DNAH9: variants seen among roughly 807,000 people sequenced by gnomAD.
The protein encoded by DNAH9 is dynein axonemal heavy chain 9.
Under a neutral mutation model 471.6 loss-of-function variants are expected in DNAH9, and 345 were observed. The ratio of observed to expected loss-of-function variants is 0.73; its 90% CI spans 0.67 to 0.80. DNAH9 has a LOEUF of 0.80. DNAH9 is among the 30% of genes least tolerant of loss of function. The probability of loss-of-function intolerance (pLI) is 0.00; values close to 1 mark genes in which losing one functional copy is unlikely to be tolerated. For synonymous variants in DNAH9, 2,093 were observed against 2,123.6 expected, an observed-to-expected ratio of 0.99 and a Z score of 0.40; for missense variants, 5,407 against 5,609.2, an observed-to-expected ratio of 0.96 and a Z score of 1.15.
chr17:11,904,345 A>AG (rs1973513628), intron 60 of DNAH9, among the ~76,000 whole-genome samples: 1 of 152,016 alleles, frequency 6.6e-6, no homozygotes. Context: ...AAGAGTGGGG[A>AG]GGGGGCCAGG....
intron 28 of DNAH9, among the ~76,000 whole-genome samples, chr17:11,731,840 A>C (rs1024436246): frequency 6.6e-6 from 1 of 152,144 alleles, no homozygotes; most frequent in Non-Finnish European, 1.5e-5. Flanking sequence ...CGCTATTGTG[A>C]ATAGTGCCGC....
chr17:11,608,444 A>G, intron 2 of DNAH9, 119 bp downstream of exon 2: 2 of 790,824 alleles, frequency 2.5e-6, no homozygotes, highest in South Asian at 3.5e-5. Flanking sequence ...TCTGCACACA[A>G]GCCTACTGTC....
intron 1 of DNAH9, among the ~76,000 whole-genome samples, chr17:11,605,519 G>A (rs1197290772): frequency 6.6e-6 from 1 of 151,720 alleles, no homozygotes; most frequent in African/African-American, 2.4e-5. Context: ...GTTGTTTCGA[G>A]ACAGGGTCTC....
chr17:11,739,956 A>G (rs768199554), intron 29 of DNAH9, among the ~76,000 whole-genome samples: 8 of 152,142 alleles, frequency 5.3e-5, no homozygotes, highest in Non-Finnish European at 8.8e-5. Context: ...GAGGTTGTCA[A>G]CACTTTACTG....
At chr17:11,796,456 T>G (rs146038461) in intron 42 of DNAH9, among the ~76,000 whole-genome samples, 40 of 152,346 alleles carry the variant, frequency 2.6e-4, no homozygotes, top group Admixed American at 4.6e-4. Flanking sequence ...TTTCCAGTCC[T>G]TTCTTCTTAC....
intron 29 of DNAH9, among the ~76,000 whole-genome samples, chr17:11,739,393 G>T (rs186328914): frequency 6.6e-4 from 100 of 152,038 alleles, no homozygotes; most frequent in Non-Finnish European, 1.3e-3. Flanking sequence ...TCAAGTGCAT[G>T]GTTTACAATG....
chr17:11,797,884 A>T (rs1214437241), intron 43 of DNAH9, 91 bp downstream of exon 43: 1 of 1,341,782 alleles, frequency 7.5e-7, no homozygotes, highest in East Asian at 2.4e-5. Context: ...ACTTCCGTAA[A>T]GCCAGGTAAG....
chr17:11,854,148 T>C lies in DNAH9; in HGVS notation c.9653T>C (p.Val3218Ala), dbSNP rs769331794. ...GCTGCTAAGGTCACCATGGCCAAAG[T>C]GGATGGCTTCCTGGACTCGCTAATA... The part of the protein sequence containing the change: ...WKAAKVTMAK[V>A]DGFLDSLINF... The change falls in exon 50 of 69, where the codon GTG becomes GCG. Residue 3218 changes from valine to alanine, a missense_variant. Around this residue, in one of 3 missense-constraint regions of DNAH9, gnomAD observed 4,636 missense variants for 4,900.3 expected, o/e 0.95. Coordinates refer to ENST00000262442, the MANE Select transcript of DNAH9 (RefSeq NM_001372.4). The C allele has an allele frequency of 1.5e-5, 24 of 1,614,122 alleles. No individual in the cohort carries two copies. Among genetic ancestry groups the C allele is most frequent in the Non-Finnish European group, 1.9e-5 (22 of 1,180,016 alleles).
intron 68 of DNAH9, among the ~76,000 whole-genome samples, chr17:11,966,657 G>C (rs138072711): frequency 6.6e-6 from 1 of 152,196 alleles, no homozygotes; most frequent in Non-Finnish European, 1.5e-5. Context: ...TTATAAATCT[G>C]TGTTGATGGA....
intron 53 of DNAH9, among the ~76,000 whole-genome samples, chr17:11,876,633 G>C (rs1972496968): frequency 6.6e-6 from 1 of 152,176 alleles, no homozygotes; most frequent in Non-Finnish European, 1.5e-5. Flanking sequence ...AAGTCGAATG[G>C]TGTTTGCCAG....
Position 11,918,245 on chromosome 17 carries a change from G to GTTT in DNAH9, c.11750-5567_11750-5565dup, listed in dbSNP as rs34516993. 5.0e-3 allele frequency among the ~76,000 whole-genome samples: 494 copies of GTTT among 99,586 alleles called. 1 individual carries two copies. In the East Asian group the frequency reaches 0.056, roughly 11 times the overall value. 65.3% of individuals were successfully genotyped at this position (99,586 alleles called of 152,430 possible). On this transcript the variant is annotated intron_variant, in intron 61 of 68. Transcript: ENST00000262442. ...GTTTTGTTTTGTTTTGTTTTGTTTT[G>GTTT]TTTTGAGACAGGCTCTCACTGTGTT...
intron 35 of DNAH9, among the ~76,000 whole-genome samples, chr17:11,762,277 G>C (rs1205855896): frequency 6.6e-6 from 1 of 152,152 alleles, no homozygotes; most frequent in Admixed American, 6.5e-5. Flanking sequence ...TGCTGTATTT[G>C]TTATGAAAAC....
chr17:11,819,940 TC>T (rs1481372443), intron 45 of DNAH9, among the ~76,000 whole-genome samples: 5 of 152,160 alleles, frequency 3.3e-5, no homozygotes, highest in African/African-American at 1.2e-4. Context: ...TTTTATTTTT[TC>T]TTAATTTTTT....
At position 11,769,216 on chromosome 17, in the gene DNAH9, C is replaced by T. The variant is rs1294468413; in HGVS notation, c.7439C>T (p.Ala2480Val). 1 of 1,614,092 alleles carries T rather than the reference C, an allele frequency of 6.2e-7. No individual in the cohort carries two copies. Among genetic ancestry groups the T allele is most frequent in the Non-Finnish European group, 8.5e-7 (1 of 1,180,060 alleles). The change falls in exon 38 of 69, where the codon GCT (alanine) becomes GTT (valine). Residue 2480 changes from alanine to valine, a missense_variant. Transcript: ENST00000262442. ...CGGCCTGTCATGCTGGTGGGCACGG[C>T]TGGCACTGGCAAGTCGGTGCTGGTG... ...RQRPVMLVGT[A>V]GTGKSVLVGA...
At chr17:11,948,224 CTTTTTTTT>C (rs1211322234) in intron 67 of DNAH9, among the ~76,000 whole-genome samples, 1 of 86,748 alleles carries the variant, frequency 1.2e-5, no homozygotes, top group Non-Finnish European at 2.1e-5. Flanking sequence ...TAATCTGGCT[CTTTTTTTT>C]TTTTTTTTTT....
intron 42 of DNAH9, among the ~76,000 whole-genome samples, chr17:11,794,732 T>C (rs1198976038): frequency 6.6e-6 from 1 of 152,214 alleles, no homozygotes; most frequent in Admixed American, 6.5e-5. Context: ...GTTTTGTTTC[T>C]GTGTTTCCCA....
In DNAH9 at chr17:11,617,582, C is replaced by A. The variant is rs938534383; in HGVS notation, c.1076C>A (p.Thr359Asn). 6.2e-7 allele frequency: 1 copy of A among 1,614,174 alleles called. No homozygotes were observed. The highest frequency in any genetic ancestry group is 8.5e-7 in the Non-Finnish European group (1 of 1,180,034). ...CKSYRSPGRL[T>N]VLLQEICNLL... ...TCCTACCGCTCCCCGGGAAGGCTGA[C>A]TGTGCTGCTCCAGGAGATTTGCAAC... Residue 359 changes from threonine (T) to asparagine (N), a missense_variant, in exon 5 of 69, where the codon ACT becomes AAT. Physicochemically the swap from Thr to Asn is moderately conservative, Grantham distance 65 (BLOSUM62 0). This residue lies in a region of DNAH9 where 767 missense variants were observed against 692.5 expected (regional missense o/e 1.11). Transcript: ENST00000262442.
At chr17:11,926,994 T>C (rs968104810) in intron 62 of DNAH9, among the ~76,000 whole-genome samples, 15 of 152,236 alleles carry the variant, frequency 9.9e-5, no homozygotes, top group African/African-American at 3.6e-4. Flanking sequence ...TGATTTGCAT[T>C]TCTCTAATGA....
In DNAH9 at chr17:11,744,887, C is replaced by G. The variant is rs749095320; in HGVS notation, c.6202C>G (p.Gln2068Glu). 2.2e-5 allele frequency: 35 copies of G among 1,614,086 alleles called. No homozygotes were observed. The highest frequency in any genetic ancestry group is 3.0e-5 in the Non-Finnish European group (35 of 1,180,036). The part of the protein sequence containing the change: ...KRGDPDRPED[Q>E]VLMRSLRDFN... The stretch of plus-strand genomic sequence containing the variant: ...AGGAGACCCTGACCGGCCTGAGGAC[C>G]AGGTCCTGATGCGCTCCTTGCGGGA... Residue 2068 changes from glutamine to glutamate, a missense_variant, in exon 31 of 69, where the codon CAG (glutamine) becomes GAG (glutamate). By Grantham distance (29) the Gln-to-Glu change is conservative. Coordinates refer to ENST00000262442, the MANE Select transcript of DNAH9 (RefSeq NM_001372.4).
Sources: gnomAD v4.1 joint callset for allele counts (sites outside exome capture counted in the v4.1 genomes callset) on GRCh38, gnomAD v4.1.1 for gene constraint, gnomAD v4.1.1 regional missense constraint, MANE v1.5 for transcripts, NCBI Gene and HGNC (gene_info 2026-07-23, HGNC 2026-07-21) for gene names.